The following PID1 variants were observed in gnomAD, a reference collection of about 807,000 sequenced individuals.
PID1 encodes the protein phosphotyrosine interaction domain containing 1, also known as PTB-containing, cubilin and LRP1-interacting protein.
In PID1, 10 loss-of-function variants were observed where a neutral mutation model predicts 19.1. The ratio of observed to expected loss-of-function variants is 0.52; its 90% CI spans 0.32 to 0.89. The LOEUF is 0.89. Ranked by LOEUF, PID1 falls within the 40% of genes least tolerant of loss-of-function variation. The pLI, the probability that PID1 is intolerant of heterozygous loss-of-function variation, is 0.03. For missense variants in PID1, 248 were observed against 285.3 expected, an observed-to-expected ratio of 0.87 and a Z score of 0.94; for synonymous variants, 130 against 116.0, an observed-to-expected ratio of 1.12 and a Z score of -0.78.
chr2:229,211,917 A>T (rs1416579620), intron 1 of PID1, among the ~76,000 whole-genome samples: 1 of 152,252 alleles, frequency 6.6e-6, no homozygotes, highest in East Asian at 1.9e-4. Context: ...TTTCTTACTC[A>T]TCTTAAGGCT....
intron 2 of PID1, among the ~76,000 whole-genome samples, chr2:229,077,516 A>C (rs1046107469): frequency 6.6e-6 from 1 of 152,188 alleles, no homozygotes; most frequent in Non-Finnish European, 1.5e-5. Context: ...TTATGGTTTT[A>C]GGTCTTACAT....
At chr2:229,161,371 C>T (rs1690489649) in intron 1 of PID1, among the ~76,000 whole-genome samples, 1 of 152,124 alleles carries the variant, frequency 6.6e-6, no homozygotes, top group African/African-American at 2.4e-5. Flanking sequence ...AACTCAGATC[C>T]ATCCAGGGAC....
chr2:229,231,956 G>C, intron 1 of PID1: 1 of 1,550,488 alleles, frequency 6.4e-7, no homozygotes, highest in East Asian at 2.4e-5. Flanking sequence ...TCATGATCAA[G>C]GTGCGGGCTT....
intron 2 of PID1, among the ~76,000 whole-genome samples, chr2:229,055,790 G>A (rs1373227159): frequency 3.9e-5 from 6 of 152,234 alleles, no homozygotes; most frequent in African/African-American, 1.4e-4. Context: ...AACATTCTTC[G>A]GCATACAGCC....
At chr2:229,185,082 C>CATATATATCCCAT (rs1691097267) in intron 1 of PID1, among the ~76,000 whole-genome samples, 6 of 142,526 alleles carry the variant, frequency 4.2e-5, no homozygotes, top group East Asian at 2.0e-4. Flanking sequence ...ATATATCCTA[C>CATATATATCCCAT]ATATATATCC....
At chr2:229,147,859 T>C (rs905568864) in intron 2 of PID1, among the ~76,000 whole-genome samples, 1 of 152,146 alleles carries the variant, frequency 6.6e-6, no homozygotes, top group African/African-American at 2.4e-5. Flanking sequence ...TTCTCTATAG[T>C]AAAAGGACCA....
chr2:229,080,978 C>A (rs755029138), intron 2 of PID1, among the ~76,000 whole-genome samples: 1 of 152,174 alleles, frequency 6.6e-6, no homozygotes, highest in Non-Finnish European at 1.5e-5. Context: ...TGGAACCACC[C>A]TTGTTATTGC....
intron 2 of PID1, among the ~76,000 whole-genome samples, chr2:229,076,642 T>C (rs1694564533): frequency 6.6e-6 from 1 of 151,916 alleles, no homozygotes; most frequent in Non-Finnish European, 1.5e-5. Context: ...GAACATACAG[T>C]GTTTGGTTTC....
At chr2:229,200,297 G>A (rs1033757518) in intron 1 of PID1, among the ~76,000 whole-genome samples, 14 of 152,044 alleles carry the variant, frequency 9.2e-5, no homozygotes, top group Admixed American at 3.3e-4. Flanking sequence ...CTTCAGAGGA[G>A]CCAATCAAGT....
intron 1 of PID1, among the ~76,000 whole-genome samples, chr2:229,158,319 G>C (rs1690423187): frequency 6.6e-6 from 1 of 152,132 alleles, no homozygotes; most frequent in Admixed American, 6.5e-5. Context: ...CCTATGAGTT[G>C]TGTAGCCAGT....
chr2:229,099,179 G>A lies in PID1; in HGVS notation c.177+56639C>T, dbSNP rs552535106. Among the ~76,000 whole-genome samples the A allele has an allele frequency of 5.9e-5, 9 of 152,246 alleles. No individual in the cohort carries two copies. In the South Asian group the frequency reaches 1.0e-3, roughly 18 times the overall value. On this transcript the variant is annotated intron_variant, in intron 2 of 2. Transcript: ENST00000392055. ...CCCCAAATCTTGTGCTGTACAATCA[G>A]GGAGTTAGAAACAAGGTAAGAACTT... is the stretch of plus-strand genomic sequence containing the variant.
At position 229,260,873 on chromosome 2, in the gene PID1, G is replaced by A. The variant is rs951027784; in HGVS notation, c.30+10141C>T. Reference sequence around the variant, plus strand: ...GTCAAGTAGGGATAAATATCTTGGTGACTGGTAGATACCCAAAAGAAAATT... The same window carrying A: ...GTCAAGTAGGGATAAATATCTTGGTAACTGGTAGATACCCAAAAGAAAATT... On this transcript the variant is annotated intron_variant, in intron 1 of 2. Coordinates refer to ENST00000392055, the MANE Select transcript of PID1 (RefSeq NM_001100818.2). 2.1e-4 allele frequency among the ~76,000 whole-genome samples: 28 copies of A among 136,118 alleles called. 1 individual carries two copies. Among genetic ancestry groups the A allele is most frequent in the African/African-American group, 8.3e-5 (3 of 36,296 alleles). The allele number at this position is 136,118 out of a possible 152,430, so 89.3% of individuals were successfully genotyped here. A position where few individuals can be genotyped will look rare whatever the true frequency, so the allele number is the denominator to read the frequency against.
chr2:229,139,612 T>C (rs367735025), intron 2 of PID1, among the ~76,000 whole-genome samples: 28 of 152,300 alleles, frequency 1.8e-4, no homozygotes, highest in African/African-American at 6.5e-4. Context: ...CAAAGAAATC[T>C]TGATCTACGA....
At chr2:229,127,212 C>T (rs1356891736) in intron 2 of PID1, among the ~76,000 whole-genome samples, 1 of 152,222 alleles carries the variant, frequency 6.6e-6, no homozygotes, top group Non-Finnish European at 1.5e-5. Flanking sequence ...AATTTGGGGA[C>T]TCCCCCTCTC....
At chr2:229,094,183 C>T (rs935755231) in intron 2 of PID1, among the ~76,000 whole-genome samples, 7 of 151,990 alleles carry the variant, frequency 4.6e-5, no homozygotes, top group Non-Finnish European at 8.8e-5. Context: ...GAACTCAATC[C>T]GCTTTAAAAT....
chr2:229,185,511 A>G (rs1477402063), intron 1 of PID1, among the ~76,000 whole-genome samples: 1 of 152,186 alleles, frequency 6.6e-6, no homozygotes, highest in Non-Finnish European at 1.5e-5. Flanking sequence ...GCTTACAGTT[A>G]TACATGGCTG....
chr2:229,205,004 AC>A (rs1160110327), intron 1 of PID1, among the ~76,000 whole-genome samples: 2 of 152,152 alleles, frequency 1.3e-5, no homozygotes, highest in Non-Finnish European at 2.9e-5. Flanking sequence ...GAAAAACTTG[AC>A]TTAGCTAATT....
intron 2 of PID1, among the ~76,000 whole-genome samples, chr2:229,061,984 T>A (rs1474679826): frequency 6.6e-6 from 1 of 152,118 alleles, no homozygotes; most frequent in South Asian, 2.1e-4. Flanking sequence ...TGTAACAGTT[T>A]TTTTTGGTGG....
chr2:229,078,455 G>A (rs1041760746), intron 2 of PID1, among the ~76,000 whole-genome samples: 2 of 152,224 alleles, frequency 1.3e-5, no homozygotes, highest in East Asian at 1.9e-4. Context: ...TAGTGAGACA[G>A]AGCATCCTCA....
Sources: allele counts gnomAD v4.1 joint callset (sites outside exome capture counted in the v4.1 genomes callset), GRCh38; gene constraint gnomAD v4.1.1; transcripts MANE v1.5; gene names NCBI Gene and HGNC (gene_info 2026-07-23, HGNC 2026-07-21).